The following SUGCT variants were observed in gnomAD, a reference collection of about 807,000 sequenced individuals.
SUGCT encodes the protein succinyl-CoA:glutarate CoA-transferase.
SUGCT carries 41 observed loss-of-function variants against 55.0 expected under a neutral mutation model. That is an observed-to-expected ratio of 0.74 (90% CI 0.58 to 0.97). The LOEUF (loss-of-function observed/expected upper bound fraction) is 0.97, where lower values mean the gene tolerates loss of function less well. Ranked by LOEUF, SUGCT falls within the 50% of genes least tolerant of loss-of-function variation. SUGCT has a pLI of 0.00. For missense variants in SUGCT, 568 were observed against 547.8 expected (o/e 1.04, Z -0.37); for synonymous variants, 187 against 200.4 (o/e 0.93, Z 0.56).
At chr7:40,903,736 G>A in the SUGCT span, among the ~76,000 whole-genome samples, 3 of 152,166 alleles carry the variant, frequency 2.0e-5, no homozygotes, top group African/African-American at 7.2e-5. Context: ...TTTGCAGCAG[G>A]AAACTGTCAT....
chr7:40,212,647 G>A (rs1308786197), intron 6 of SUGCT, among the ~76,000 whole-genome samples: 1 of 152,088 alleles, frequency 6.6e-6, no homozygotes, highest in Non-Finnish European at 1.5e-5. Context: ...CGATTCTCCT[G>A]CCTCAGCTTC....
chr7:40,592,354 A>G (rs1797772633), intron 12 of SUGCT, among the ~76,000 whole-genome samples: 1 of 152,216 alleles, frequency 6.6e-6, no homozygotes. Flanking sequence ...TTTGCAGACC[A>G]TAAGATGAGG....
intron 12 of SUGCT, among the ~76,000 whole-genome samples, chr7:40,501,682 G>C (rs1483050190): frequency 1.3e-5 from 2 of 151,978 alleles, no homozygotes; most frequent in East Asian, 1.9e-4. Flanking sequence ...TCCACTATGT[G>C]TATGGTCTTG....
At chr7:40,374,180 A>C (rs1306195234) in intron 9 of SUGCT, among the ~76,000 whole-genome samples, 1 of 152,146 alleles carries the variant, frequency 6.6e-6, no homozygotes, top group Non-Finnish European at 1.5e-5. Context: ...AAAAGGAGGA[A>C]TATTAATGTA....
chr7:40,289,778 C>T (rs1296304373), intron 8 of SUGCT, among the ~76,000 whole-genome samples: 3 of 152,124 alleles, frequency 2.0e-5, no homozygotes, highest in Non-Finnish European at 2.9e-5. Context: ...CCCAAAATCT[C>T]CTTAAGCTGA....
At chr7:40,747,452 C>G (rs191949739) in intron 12 of SUGCT, among the ~76,000 whole-genome samples, 1 of 152,162 alleles carries the variant, frequency 6.6e-6, no homozygotes, top group South Asian at 2.1e-4. Context: ...TTATTACTTT[C>G]TTTATTCCAT....
chr7:40,265,970 C>CAA (rs1172082047), intron 7 of SUGCT, among the ~76,000 whole-genome samples: 4 of 151,702 alleles, frequency 2.6e-5, no homozygotes, highest in African/African-American at 9.7e-5. Flanking sequence ...CACACACACA[C>CAA]ACACACAAAC....
intron 13 of SUGCT, among the ~76,000 whole-genome samples, chr7:40,757,407 G>A (rs1003932993): frequency 6.6e-6 from 1 of 152,168 alleles, no homozygotes; most frequent in Non-Finnish European, 1.5e-5. Flanking sequence ...GTTGGGACTT[G>A]GAAAGCTGCC....
intron 9 of SUGCT, among the ~76,000 whole-genome samples, chr7:40,433,208 C>T (rs1023821447): frequency 5.3e-5 from 8 of 152,158 alleles, no homozygotes; most frequent in East Asian, 1.9e-4. Flanking sequence ...GTATCGTTTT[C>T]CTGAGGCCAT....
chr7:40,996,651 A>T, the SUGCT span, among the ~76,000 whole-genome samples: 1 of 152,178 alleles, frequency 6.6e-6, no homozygotes, highest in East Asian at 1.9e-4. Flanking sequence ...TCTGGATGTT[A>T]GCCAAAATGA....
At chr7:40,409,782 A>G (rs1786573186) in intron 9 of SUGCT, among the ~76,000 whole-genome samples, 1 of 151,942 alleles carries the variant, frequency 6.6e-6, no homozygotes, top group African/African-American at 2.4e-5. Flanking sequence ...GCTCACTGCA[A>G]CTTTTGGAGA....
the SUGCT span, among the ~76,000 whole-genome samples, chr7:40,867,438 A>G: frequency 1.3e-5 from 2 of 151,994 alleles, no homozygotes; most frequent in African/African-American, 2.4e-5. Context: ...AAAACGTTAG[A>G]ACATGAGTGA....
intron 12 of SUGCT, among the ~76,000 whole-genome samples, chr7:40,556,812 T>C (rs1340125863): frequency 6.6e-6 from 1 of 152,154 alleles, no homozygotes; most frequent in Non-Finnish European, 1.5e-5. Context: ...AAGTGGTGAT[T>C]AAGTGTTTGT....
the SUGCT span, among the ~76,000 whole-genome samples, chr7:40,911,794 C>G: frequency 6.6e-6 from 1 of 152,038 alleles, no homozygotes; most frequent in East Asian, 1.9e-4. Context: ...ATAAAGGAAC[C>G]ATGAAAAGCA....
At chr7:40,340,608 G>A (rs986496763) in intron 9 of SUGCT, among the ~76,000 whole-genome samples, 1 of 152,194 alleles carries the variant, frequency 6.6e-6, no homozygotes, top group Non-Finnish European at 1.5e-5. Context: ...AGAAGCAAAA[G>A]TAGGGGGAAA....
intron 12 of SUGCT, among the ~76,000 whole-genome samples, chr7:40,681,105 A>C (rs1257473728): frequency 6.6e-6 from 1 of 152,190 alleles, no homozygotes; most frequent in African/African-American, 2.4e-5. Context: ...TTCTCTAAAG[A>C]AAACCCTAAA....
At chr7:40,375,934 A>G (rs1460635079) in intron 9 of SUGCT, among the ~76,000 whole-genome samples, 2 of 152,172 alleles carry the variant, frequency 1.3e-5, no homozygotes, top group Non-Finnish European at 2.9e-5. Flanking sequence ...GAAAAATACC[A>G]TGGGTATTCA....
intron 12 of SUGCT, among the ~76,000 whole-genome samples, chr7:40,655,613 G>C (rs1461896053): frequency 2.0e-5 from 3 of 152,130 alleles, no homozygotes; most frequent in Non-Finnish European, 4.4e-5. Context: ...TTAATGCCAG[G>C]GACAGTGATT....
At chr7:40,320,432 A>G (rs1795665827) in intron 9 of SUGCT, among the ~76,000 whole-genome samples, 1 of 152,176 alleles carries the variant, frequency 6.6e-6, no homozygotes, top group Non-Finnish European at 1.5e-5. Flanking sequence ...CCCAGCCCTT[A>G]AACAATTATA....
Sources: allele counts gnomAD v4.1 joint callset (sites outside exome capture counted in the v4.1 genomes callset), GRCh38; gene constraint gnomAD v4.1.1; transcripts MANE v1.5; gene names NCBI Gene and HGNC (gene_info 2026-07-23, HGNC 2026-07-21).